Variants in STK32A observed in about 807,000 individuals in gnomAD.
STK32A encodes serine/threonine kinase 32A.
Under a neutral mutation model 53.2 loss-of-function variants are expected in STK32A, and 41 were observed. The observed-to-expected ratio is 0.77, with a 90% CI of 0.60 to 1.00. The LOEUF (loss-of-function observed/expected upper bound fraction) is 1.00, where lower values mean the gene tolerates loss of function less well. Among genes scored for constraint, STK32A ranks in the 50% least tolerant of loss-of-function variants. The probability of loss-of-function intolerance (pLI) is 0.00; values close to 1 mark genes in which losing one functional copy is unlikely to be tolerated. For synonymous variants in STK32A, 166 were observed against 162.8 expected (o/e 1.02, Z -0.15); for missense variants, 458 against 485.8 (o/e 0.94, Z 0.54).
intron 4 of STK32A, 74 bp from the exon 5 acceptor site, chr5:147,323,824 G>C: frequency 1.5e-6 from 2 of 1,298,390 alleles, no homozygotes; most frequent in Non-Finnish European, 2.1e-6. Context: ...CTGATCTGTA[G>C]GGTCTCATTT....
chr5:147,366,216 G>T (rs1361845769), intron 8 of STK32A, among the ~76,000 whole-genome samples: 1 of 152,118 alleles, frequency 6.6e-6, no homozygotes, highest in East Asian at 1.9e-4. Context: ...TGGCCTCTTA[G>T]AACTTCTTCC....
At chr5:147,328,310 C>A (rs1048745489) in intron 5 of STK32A, among the ~76,000 whole-genome samples, 1 of 152,124 alleles carries the variant, frequency 6.6e-6, no homozygotes, top group African/African-American at 2.4e-5. Flanking sequence ...TTAAAAAAAA[C>A]CATAAGATCT....
chr5:147,373,251 A>G lies in STK32A; in HGVS notation c.860A>G (p.Asp287Gly). The change falls in exon 10 of 13, where the codon GAT becomes GGT. Residue 287 changes from aspartate to glycine, a missense_variant. Coordinates refer to ENST00000397936, the MANE Select transcript of STK32A (RefSeq NM_001112724.2). ...CCGTATATGAATGATATAAACTGGG[A>G]TGCAGTTTTTCAGAAGAGGCTCATT... ...NFPYMNDINW[D>G]AVFQKRLIPG... The G allele has an allele frequency of 1.9e-6, 3 of 1,613,352 alleles. No individual in the cohort carries two copies. The highest frequency in any genetic ancestry group is 2.5e-6 in the Non-Finnish European group (3 of 1,179,544).
At chr5:147,318,639 G>A (rs1754136391) in intron 4 of STK32A, among the ~76,000 whole-genome samples, 1 of 151,636 alleles carries the variant, frequency 6.6e-6, no homozygotes, top group Non-Finnish European at 1.5e-5. Context: ...AGTTTGGTAT[G>A]GTGATATGTA....
chr5:147,292,172 A>G (rs1279331897), intron 4 of STK32A, among the ~76,000 whole-genome samples: 1 of 152,216 alleles, frequency 6.6e-6, no homozygotes, highest in Non-Finnish European at 1.5e-5. Context: ...ACAAGGTATC[A>G]GGTCAGTTTT....
At chr5:147,294,040 T>A (rs191975828) in intron 4 of STK32A, among the ~76,000 whole-genome samples, 115 of 152,314 alleles carry the variant, frequency 7.6e-4, no homozygotes, top group African/African-American at 2.7e-3. Flanking sequence ...CTATTACAAT[T>A]TTCTATTAAA....
intron 7 of STK32A, among the ~76,000 whole-genome samples, chr5:147,355,792 G>GTGTGTGTATATATATATATATATATA (rs984298293): frequency 1.1e-4 from 17 of 147,840 alleles, no homozygotes; most frequent in African/African-American, 4.3e-4. Context: ...GTGTGTGTGT[G>GTGTGTGTATATATATATATATATATA]TATATATATA....
intron 1 of STK32A, among the ~76,000 whole-genome samples, chr5:147,236,821 C>T (rs1265451233): frequency 2.0e-5 from 3 of 152,156 alleles, no homozygotes; most frequent in Non-Finnish European, 2.9e-5. Context: ...TCTGATTCGA[C>T]AACTTGCAAG....
intron 4 of STK32A, 137 bp downstream of exon 4, chr5:147,279,535 A>T: frequency 1.3e-6 from 1 of 747,682 alleles, no homozygotes; most frequent in Non-Finnish European, 2.1e-6. Context: ...GAGTTCAAGG[A>T]TGAGTTGGAA....
At chr5:147,369,861 T>C (rs147363981) in intron 8 of STK32A, among the ~76,000 whole-genome samples, 1 of 152,300 alleles carries the variant, frequency 6.6e-6, no homozygotes, top group Non-Finnish European at 1.5e-5. Context: ...ATATAATCTC[T>C]GGCTGTGAGT....
chr5:147,255,359 G>C (rs1357495717), intron 2 of STK32A, among the ~76,000 whole-genome samples: 1 of 152,170 alleles, frequency 6.6e-6, no homozygotes, highest in African/African-American at 2.4e-5. Context: ...GGAGGTTTCA[G>C]TAAGTGACAT....
At chr5:147,327,900 G>A (rs932627495) in intron 5 of STK32A, among the ~76,000 whole-genome samples, 17 of 152,208 alleles carry the variant, frequency 1.1e-4, no homozygotes, top group Admixed American at 2.6e-4. Context: ...ACCCACAGAC[G>A]AAAGTGGTAC....
At chr5:147,342,942 C>T in intron 5 of STK32A, 64 bp from the exon 6 acceptor site, 2 of 1,531,212 alleles carry the variant, frequency 1.3e-6, no homozygotes, top group Non-Finnish European at 1.8e-6. Flanking sequence ...GCCTTTTTGC[C>T]CCTACCCCTT....
At chr5:147,290,050 G>A (rs1254979141) in intron 4 of STK32A, among the ~76,000 whole-genome samples, 1 of 152,082 alleles carries the variant, frequency 6.6e-6, no homozygotes, top group Non-Finnish European at 1.5e-5. Flanking sequence ...GTTTAATTAT[G>A]CATGTTGTAC....
chr5:147,277,515 C>T (rs1261588743), intron 2 of STK32A, among the ~76,000 whole-genome samples: 1 of 152,164 alleles, frequency 6.6e-6, no homozygotes, highest in African/African-American at 2.4e-5. Flanking sequence ...TACAAGTCTG[C>T]ACTTTGGAGA....
At chr5:147,341,444 C>T (rs6873038) in intron 5 of STK32A, among the ~76,000 whole-genome samples, 8,771 of 152,228 alleles carry the variant, frequency 0.058, 861 homozygotes, top group African/African-American at 0.2. Context: ...GAAACCATCC[C>T]TGACATCATG....
chr5:147,271,157 A>C (rs1021293742), intron 2 of STK32A, among the ~76,000 whole-genome samples: 2 of 152,202 alleles, frequency 1.3e-5, no homozygotes, highest in Non-Finnish European at 1.5e-5. Context: ...TGGCAGAAGA[A>C]CATGGACTGT....
Position 147,375,199 on chromosome 5 carries a change from G to A in STK32A, c.1013G>A (p.Arg338Lys). ...CTGGCAAAGAAGGAGAAGGATATGA[G>A]GAAATGCGATTCTTCTCAGGTAAGC... ...KRLAKKEKDM[R>K]KCDSSQTCLL... is the part of the protein sequence containing the mutation. Residue 338 changes from arginine to lysine, a missense_variant, in exon 11 of 13, where the codon AGG becomes AAG. By Grantham distance (26) the Arg-to-Lys change is conservative. Coordinates refer to ENST00000397936, the MANE Select transcript of STK32A (RefSeq NM_001112724.2). 6.2e-7 allele frequency: 1 copy of A among 1,610,834 alleles called. No individual in the cohort carries two copies. The highest frequency in any genetic ancestry group is 8.5e-7 in the Non-Finnish European group (1 of 1,178,548).
At position 147,294,723 on chromosome 5, in the gene STK32A, G is replaced by A. The variant is rs137864680; in HGVS notation, c.260+15325G>A. On this transcript the variant is annotated intron_variant, in intron 4 of 12. Transcript: ENST00000397936. ...TTTTGAGATGGAGTCTCACTCTGTC[G>A]CACAGACTGGAGTGCAATGGTGCGA... Among the ~76,000 whole-genome samples, 1,401 of 149,062 alleles carry A rather than the reference G, an allele frequency of 9.4e-3. 8 individuals are homozygous for A. The highest frequency in any genetic ancestry group is 0.015 in the Non-Finnish European group (1,032 of 67,498).
Sources: gnomAD v4.1 joint callset for allele counts (sites outside exome capture counted in the v4.1 genomes callset) on GRCh38, gnomAD v4.1.1 for gene constraint, MANE v1.5 for transcripts, NCBI Gene and HGNC (gene_info 2026-07-23, HGNC 2026-07-21) for gene names.